GRID2: variants seen among roughly 807,000 people sequenced by gnomAD.
GRID2 encodes glutamate receptor ionotropic, delta-2.
In GRID2, 33 loss-of-function variants were observed where a neutral mutation model predicts 114.8. The observed-to-expected ratio is 0.29, with a 90% CI of 0.22 to 0.38. GRID2 has a LOEUF of 0.38. Ranked by LOEUF, GRID2 falls within the 10% of genes least tolerant of loss-of-function variation. The pLI, the probability that GRID2 is intolerant of heterozygous loss-of-function variation, is 1.00. For synonymous variants in GRID2, 505 were observed against 449.9 expected (o/e 1.12, Z -1.55); for missense variants, 1,184 against 1,257.7 (o/e 0.94, Z 0.89).
At chr4:93,571,429 T>G (rs1266606515) in intron 13 of GRID2, among the ~76,000 whole-genome samples, 1 of 152,142 alleles carries the variant, frequency 6.6e-6, no homozygotes, top group Non-Finnish European at 1.5e-5. Flanking sequence ...TAGAGACAGT[T>G]GTGGATGATT....
At chr4:93,589,762 G>T (rs1327523987) in intron 13 of GRID2, among the ~76,000 whole-genome samples, 1 of 152,114 alleles carries the variant, frequency 6.6e-6, no homozygotes, top group African/African-American at 2.4e-5. Flanking sequence ...GTGTGAGATG[G>T]TATCTCCTTG....
At chr4:92,991,889 A>G (rs971174889) in intron 2 of GRID2, among the ~76,000 whole-genome samples, 19 of 152,226 alleles carry the variant, frequency 1.2e-4, no homozygotes, top group Non-Finnish European at 2.6e-4. Flanking sequence ...ACCACATTAC[A>G]GGATACATAG....
At chr4:93,398,311 T>C (rs1028299715) in intron 9 of GRID2, among the ~76,000 whole-genome samples, 2 of 151,232 alleles carry the variant, frequency 1.3e-5, no homozygotes, top group Non-Finnish European at 2.9e-5. Flanking sequence ...GTAACTGCTC[T>C]GGTAAGTATT....
chr4:92,797,786 C>T (rs1739962627), intron 2 of GRID2, among the ~76,000 whole-genome samples: 1 of 151,770 alleles, frequency 6.6e-6, no homozygotes, highest in African/African-American at 2.4e-5. Context: ...ATTGAAAAAA[C>T]TCTGTGCACA....
At chr4:93,395,506 A>G (rs757039840) in intron 8 of GRID2, 101 bp from the exon 9 acceptor site, 4 of 606,456 alleles carry the variant, frequency 6.6e-6, no homozygotes, top group Non-Finnish European at 1.2e-5. Context: ...TTCCATACCA[A>G]TTATTCTAAG....
chr4:92,929,423 TA>T (rs1419329448), intron 2 of GRID2, among the ~76,000 whole-genome samples: 1 of 151,376 alleles, frequency 6.6e-6, no homozygotes, highest in Non-Finnish European at 1.5e-5. Flanking sequence ...TTAAAAAACC[TA>T]ACTTATAACA....
At chr4:93,474,277 T>A (rs1048289407) in intron 11 of GRID2, among the ~76,000 whole-genome samples, 5 of 152,168 alleles carry the variant, frequency 3.3e-5, no homozygotes, top group Admixed American at 6.5e-5. Context: ...GAGGACAGAA[T>A]TATTCACCTA....
At chr4:93,723,211 C>T (rs967507794) in intron 14 of GRID2, among the ~76,000 whole-genome samples, 30 of 152,214 alleles carry the variant, frequency 2.0e-4, no homozygotes, top group Non-Finnish European at 1.5e-5. Flanking sequence ...CTATTACGGT[C>T]AGTCATTACC....
chr4:92,907,498 A>C (rs1578436963), intron 2 of GRID2, among the ~76,000 whole-genome samples: 1 of 151,850 alleles, frequency 6.6e-6, no homozygotes, highest in Non-Finnish European at 1.5e-5. Flanking sequence ...TTCAACCTCC[A>C]CCTTCCAGGT....
chr4:93,160,894 T>A (rs1468742332), intron 4 of GRID2, among the ~76,000 whole-genome samples: 1 of 151,728 alleles, frequency 6.6e-6, no homozygotes, highest in East Asian at 1.9e-4. Context: ...TTTATATGCA[T>A]TAAAATTTGA....
chr4:92,760,584 T>C (rs1423965019), intron 2 of GRID2, among the ~76,000 whole-genome samples: 1 of 152,120 alleles, frequency 6.6e-6, no homozygotes, highest in African/African-American at 2.4e-5. Context: ...GCCTAATCTA[T>C]AGCTCTCCCA....
intron 12 of GRID2, among the ~76,000 whole-genome samples, chr4:93,505,386 A>G (rs6532411): frequency 0.84 from 127,035 of 151,712 alleles, 53,758 homozygotes; most frequent in African/African-American, 0.96. Flanking sequence ...TATAATCAGC[A>G]GTAACATTGT....
rs576060183 is a variant in GRID2, at chr4:92,373,683, A to T, written c.88+68939A>T. On this transcript the variant is annotated intron_variant, in intron 1 of 15. Coordinates refer to ENST00000282020, the MANE Select transcript of GRID2 (RefSeq NM_001510.4). ...ACCATGACCTTTTTTCAAGAGCTAA[A>T]TACATCCTAATTATTAGTACTACTC... 1.3e-5 allele frequency among the ~76,000 whole-genome samples: 2 copies of T among 152,174 alleles called. 1 individual carries two copies. The highest frequency in any genetic ancestry group is 1.3e-4 in the Admixed American group (2 of 15,272).
intron 1 of GRID2, among the ~76,000 whole-genome samples, chr4:92,578,168 G>T: frequency 6.7e-6 from 1 of 148,166 alleles, no homozygotes; most frequent in African/African-American, 2.5e-5. Context: ...TGCACAACGT[G>T]CAGGTTAGTT....
intron 12 of GRID2, among the ~76,000 whole-genome samples, chr4:93,496,917 A>G (rs1007324461): frequency 2.9e-4 from 44 of 151,804 alleles, no homozygotes; most frequent in Non-Finnish European, 1.5e-4. Flanking sequence ...TTGCTCGGTC[A>G]TGTGTTAAGT....
intron 14 of GRID2, among the ~76,000 whole-genome samples, chr4:93,710,805 C>G (rs913478544): frequency 6.6e-6 from 1 of 152,086 alleles, no homozygotes; most frequent in Non-Finnish European, 1.5e-5. Flanking sequence ...AGGCAAAGTC[C>G]TTTTTACTCT....
At chr4:92,599,028 CTTTTT>C (rs79836874) in intron 2 of GRID2, among the ~76,000 whole-genome samples, 79 of 115,272 alleles carry the variant, frequency 6.9e-4, no homozygotes, top group African/African-American at 2.3e-3. Flanking sequence ...AATGCTTTTC[CTTTTT>C]TTTTTTTTTT....
chr4:93,486,955 G>A (rs1454039136), intron 11 of GRID2, among the ~76,000 whole-genome samples: 1 of 151,634 alleles, frequency 6.6e-6, no homozygotes, highest in African/African-American at 2.4e-5. Flanking sequence ...TAAGACCACT[G>A]GCCTTACATT....
intron 13 of GRID2, among the ~76,000 whole-genome samples, chr4:93,558,622 C>T (rs1734572252): frequency 6.6e-6 from 1 of 152,078 alleles, no homozygotes; most frequent in Admixed American, 6.5e-5. Flanking sequence ...ATGCCCAGAA[C>T]CAGAAAGACT....
Sources: gnomAD v4.1 joint callset for allele counts (sites outside exome capture counted in the v4.1 genomes callset) on GRCh38, gnomAD v4.1.1 for gene constraint, MANE v1.5 for transcripts, NCBI Gene and HGNC (gene_info 2026-07-23, HGNC 2026-07-21) for gene names.